SLC26A7: variants seen among roughly 807,000 people sequenced by gnomAD.
The protein encoded by SLC26A7 is solute carrier family 26 member 7.
In SLC26A7, 59 loss-of-function variants were observed where a neutral mutation model predicts 82.5. The observed-to-expected ratio is 0.72, with a 90% CI of 0.58 to 0.89. The LOEUF (loss-of-function observed/expected upper bound fraction) is 0.89. Ranked by LOEUF, SLC26A7 falls within the 40% of genes least tolerant of loss-of-function variation. SLC26A7 has a pLI of 0.00. For synonymous variants in SLC26A7, 271 were observed against 274.3 expected, an observed-to-expected ratio of 0.99 and a Z score of 0.12; for missense variants, 820 against 793.0, an observed-to-expected ratio of 1.03 and a Z score of -0.41.
intron 18 of SLC26A7, 91 bp downstream of exon 18, chr8:91,394,130 A>G: frequency 2.5e-6 from 4 of 1,591,934 alleles, no homozygotes; most frequent in Non-Finnish European, 3.4e-6. Flanking sequence ...TTATTACTCC[A>G]TTGGCATCTA....
chr8:91,270,667 T>C (rs1421654249), intron 2 of SLC26A7, among the ~76,000 whole-genome samples: 1 of 152,184 alleles, frequency 6.6e-6, no homozygotes, highest in African/African-American at 2.4e-5. Context: ...AGCTGAGTAC[T>C]TCAGGTGTCT....
intron 2 of SLC26A7, among the ~76,000 whole-genome samples, chr8:91,264,694 C>G (rs1811062115): frequency 1.3e-5 from 2 of 152,052 alleles, no homozygotes; most frequent in African/African-American, 4.8e-5. Flanking sequence ...TGTTTACTTT[C>G]ATGGTTTCCC....
intron 15 of SLC26A7, among the ~76,000 whole-genome samples, chr8:91,378,567 G>A (rs914515072): frequency 6.6e-6 from 1 of 151,326 alleles, no homozygotes; most frequent in East Asian, 1.9e-4. Context: ...TGGGAAAAGG[G>A]GAAACTAGTC....
At chr8:91,219,214 A>G in intron 2 of SLC26A7, 1 of 356,378 alleles carries the variant, frequency 2.8e-6, no homozygotes, top group Non-Finnish European at 5.0e-6. Flanking sequence ...GGCTTAAAAA[A>G]GTACAAAAAA....
chr8:91,243,288 TA>T (rs1387862872), intron 2 of SLC26A7, among the ~76,000 whole-genome samples: 1 of 152,064 alleles, frequency 6.6e-6, no homozygotes, highest in Non-Finnish European at 1.5e-5. Context: ...TTGAAACAAA[TA>T]AAAATAACCT....
chr8:91,282,460 A>T (rs1040583252), intron 2 of SLC26A7, among the ~76,000 whole-genome samples: 2 of 152,072 alleles, frequency 1.3e-5, no homozygotes, highest in Non-Finnish European at 2.9e-5. Context: ...CTCCCTAATC[A>T]ATGGCAAAAT....
intron 12 of SLC26A7, among the ~76,000 whole-genome samples, chr8:91,362,733 C>T (rs1814083779): frequency 6.6e-6 from 1 of 151,932 alleles, no homozygotes; most frequent in South Asian, 2.1e-4. Context: ...AACCCCTTGG[C>T]CTTATACTGC....
intron 9 of SLC26A7, among the ~76,000 whole-genome samples, chr8:91,349,196 G>A (rs982541254): frequency 1.3e-4 from 20 of 152,088 alleles, no homozygotes; most frequent in Non-Finnish European, 1.0e-4. Context: ...TTTGACCAAG[G>A]GCATCAACAA....
chr8:91,366,678 G>T lies in SLC26A7; in HGVS notation c.1587G>T (p.Lys529Asn), dbSNP rs1186319592. ...FYTDLMNMIQ[K>N]ENACNQPLDD... ...CTGATTTAATGAACATGATCCAAAA[G>T]GAAAATGCCTGTAATCAGCCACTTG... The change falls in exon 14 of 19, where the codon AAG becomes AAT. Residue 529 changes from lysine (K) to asparagine (N), a missense_variant. Coordinates refer to ENST00000276609, the MANE Select transcript of SLC26A7 (RefSeq NM_052832.4). The T allele has an allele frequency of 1.9e-6, 3 of 1,613,198 alleles. No homozygotes were observed. The highest frequency in any genetic ancestry group is 2.5e-6 in the Non-Finnish European group (3 of 1,179,734).
intron 5 of SLC26A7, among the ~76,000 whole-genome samples, chr8:91,331,485 G>A (rs1018363526): frequency 1.3e-5 from 2 of 151,992 alleles, no homozygotes; most frequent in Admixed American, 6.6e-5. Flanking sequence ...TTGTAACAAG[G>A]TCTTTTCACA....
chr8:91,276,382 T>A (rs79773406), intron 2 of SLC26A7, among the ~76,000 whole-genome samples: 1 of 152,186 alleles, frequency 6.6e-6, no homozygotes, highest in African/African-American at 2.4e-5. Context: ...TCATTTGACA[T>A]TTTTTTACTT....
intron 9 of SLC26A7, among the ~76,000 whole-genome samples, chr8:91,349,387 A>C (rs1807915225): frequency 6.6e-6 from 1 of 152,188 alleles, no homozygotes; most frequent in South Asian, 2.1e-4. Context: ...ATTGTAATTC[A>C]ATTGTTGTTA....
chr8:91,353,024 C>A (rs1349497515), intron 11 of SLC26A7, 28 bp downstream of exon 11: 2 of 1,477,044 alleles, frequency 1.4e-6, no homozygotes, highest in South Asian at 1.2e-5. Context: ...CTAAAACAAT[C>A]CCTTTTTAGC....
At chr8:91,255,312 C>T (rs767763986) in intron 2 of SLC26A7, among the ~76,000 whole-genome samples, 23 of 152,034 alleles carry the variant, frequency 1.5e-4, no homozygotes, top group Admixed American at 5.2e-4. Flanking sequence ...ATTACTGGCA[C>T]CAAAACTTGT....
At chr8:91,361,731 C>T (rs551699244) in intron 11 of SLC26A7, among the ~76,000 whole-genome samples, 2 of 152,196 alleles carry the variant, frequency 1.3e-5, no homozygotes, top group Admixed American at 6.5e-5. Flanking sequence ...ATTAGAGCTT[C>T]GTGTAATCTT....
intron 2 of SLC26A7, among the ~76,000 whole-genome samples, chr8:91,239,418 GTATATATA>G (rs1810443194): frequency 1.0e-5 from 1 of 100,312 alleles, no homozygotes; most frequent in Non-Finnish European, 2.1e-5. Context: ...ATATGTATAT[GTATATATA>G]TGTATATATG....
At chr8:91,237,851 A>G (rs1481291018) in intron 2 of SLC26A7, among the ~76,000 whole-genome samples, 1 of 152,122 alleles carries the variant, frequency 6.6e-6, no homozygotes, top group Non-Finnish European at 1.5e-5. Context: ...GACTTTTCTA[A>G]GCCCTCATCT....
At chr8:91,306,985 G>A (rs373525625) in intron 4 of SLC26A7, among the ~76,000 whole-genome samples, 45 of 144,366 alleles carry the variant, frequency 3.1e-4, no homozygotes, top group East Asian at 2.2e-3. Context: ...AAAAGTGGGC[G>A]AAGGACATGA....
intron 3 of SLC26A7, among the ~76,000 whole-genome samples, chr8:91,289,684 A>T (rs1017939934): frequency 2.0e-5 from 3 of 152,178 alleles, no homozygotes; most frequent in Non-Finnish European, 2.9e-5. Context: ...CTGAATTTAC[A>T]ATGAAATGAG....
Sources: allele counts gnomAD v4.1 joint callset (sites outside exome capture counted in the v4.1 genomes callset), GRCh38; gene constraint gnomAD v4.1.1; transcripts MANE v1.5; gene names NCBI Gene and HGNC (gene_info 2026-07-23, HGNC 2026-07-21).